The following BDH1 variants were observed in gnomAD, a reference collection of about 807,000 sequenced individuals.
BDH1 encodes D-beta-hydroxybutyrate dehydrogenase, mitochondrial.
In BDH1, 30 loss-of-function variants were observed where a neutral mutation model predicts 33.1. The observed-to-expected ratio is 0.91, with a 90% CI of 0.68 to 1.23. BDH1 has a LOEUF of 1.23. BDH1 is among the 50% of genes most tolerant of loss of function. The pLI, the probability that BDH1 is intolerant of heterozygous loss-of-function variation, is 0.00. For missense variants in BDH1, 443 were observed against 464.4 expected, an observed-to-expected ratio of 0.95 and a Z score of 0.42; for synonymous variants, 190 against 183.6, an observed-to-expected ratio of 1.03 and a Z score of -0.28.
chr3:197,514,058 T>C lies in BDH1; in HGVS notation c.562+206A>G, dbSNP rs899847993. On this transcript the variant is annotated intron_variant, in intron 7 of 7. Transcript: ENST00000392379. This position sits in a 1 kb window ranked among gnomAD's most constrained non-coding sequence, Gnocchi z 4.2. The stretch of plus-strand genomic sequence containing the variant: ...TTTTGCTGCATGGACCACTGACCTC[T>C]TACCTGCTCTGCTTCCTCCTCCCCT... 1.3e-5 allele frequency: 8 copies of C among 609,408 alleles called. No homozygotes were observed. The South Asian group carries it at 2.0e-4, about 15-fold the overall frequency. 37.8% of individuals were successfully genotyped at this position (609,408 alleles called of 1,614,324 possible).
chr3:197,540,334 G>T (rs1404971209), intron 3 of BDH1, among the ~76,000 whole-genome samples: 2 of 150,822 alleles, frequency 1.3e-5, no homozygotes, highest in African/African-American at 2.4e-5. Flanking sequence ...GATTACAGGT[G>T]TGAACCACCA....
At chr3:197,551,582 T>G (rs56785356) in intron 2 of BDH1, among the ~76,000 whole-genome samples, 15,897 of 152,210 alleles carry the variant, frequency 0.1, 1,070 homozygotes, top group African/African-American at 0.18. Flanking sequence ...CTTTTGGGTA[T>G]ATACCCAGCA....
Position 197,520,225 on chromosome 3 carries a change from C to T in BDH1, c.409+2415G>A, listed in dbSNP as rs543088147. Among the ~76,000 whole-genome samples the T allele has an allele frequency of 1.1e-4, 17 of 151,992 alleles. No homozygotes were observed. In the East Asian group the frequency reaches 2.3e-3, roughly 21 times the overall value. On this transcript the variant is annotated intron_variant, in intron 6 of 7. Coordinates refer to ENST00000392379, the MANE Select transcript of BDH1 (RefSeq NM_203314.3). This position sits in a 1 kb window ranked among gnomAD's most constrained non-coding sequence, Gnocchi z 6.0. Reference sequence around the variant, plus strand: ...AAGCGAGAGCAGGAGATGGGGGACACGCCACTGCATATCTGACGGATGTAC... The same window carrying T: ...AAGCGAGAGCAGGAGATGGGGGACATGCCACTGCATATCTGACGGATGTAC...
intron 4 of BDH1, among the ~76,000 whole-genome samples, chr3:197,533,020 G>A (rs1037209314): frequency 6.6e-6 from 1 of 152,214 alleles, no homozygotes; most frequent in Admixed American, 6.5e-5. Context: ...TGGGATTACA[G>A]GCATGCACCT....
chr3:197,514,464 A>G lies in BDH1; in HGVS notation c.410-48T>C, dbSNP rs1281966455. The G allele has an allele frequency of 6.6e-7, 1 of 1,506,306 alleles. No homozygotes were observed. Among genetic ancestry groups the G allele is most frequent in the Non-Finnish European group, 8.9e-7 (1 of 1,121,984 alleles). 93.3% of individuals were successfully genotyped at this position (1,506,306 alleles called of 1,614,324 possible). A position where few individuals can be genotyped will look rare whatever the true frequency, so the allele number is the denominator to read the frequency against. ...TGCATTTACCACATGGGCTTGGCCC[A>G]GACATTGCCCATCAGCCTGCAGGCC... On this transcript the variant is annotated intron_variant, in intron 6 of 7. Coordinates refer to ENST00000392379, the MANE Select transcript of BDH1 (RefSeq NM_203314.3). The surrounding 1 kb of genome is among the most constrained non-coding windows in gnomAD (Gnocchi z 4.2).
intron 2 of BDH1, among the ~76,000 whole-genome samples, chr3:197,548,956 G>C (rs1716331227): frequency 6.6e-6 from 1 of 152,174 alleles, no homozygotes; most frequent in Non-Finnish European, 1.5e-5. Context: ...TCTTAAACAT[G>C]CAGCTATTTC....
In BDH1 at chr3:197,510,164, G is replaced by A. The variant is rs1343781738; in HGVS notation, c.*1731C>T. 5 of 152,448 alleles carry A rather than the reference G, an allele frequency of 3.3e-5. No individual in the cohort carries two copies. The East Asian group carries it at 9.6e-4, about 29-fold the overall frequency. 9.4% of individuals were successfully genotyped at this position (152,448 alleles called of 1,614,324 possible). On this transcript the variant is annotated 3_prime_UTR_variant, in exon 8 of 8. Coordinates refer to ENST00000392379, the MANE Select transcript of BDH1 (RefSeq NM_203314.3). Reference sequence around the variant, plus strand: ...CCTCCGGGCCCGGGCCAGCTGCTAGGAGAGCGAGAACACTGTTTCTGAAGG... The same window carrying A: ...CCTCCGGGCCCGGGCCAGCTGCTAGAAGAGCGAGAACACTGTTTCTGAAGG...
chr3:197,552,595 T>A (rs945632455), intron 2 of BDH1, among the ~76,000 whole-genome samples: 1 of 152,186 alleles, frequency 6.6e-6, no homozygotes. Context: ...TCAGGGCCTT[T>A]GTCCTTACTG....
Position 197,521,653 on chromosome 3 carries a change from G to C in BDH1, c.409+987C>G, listed in dbSNP as rs1713563850. Among the ~76,000 whole-genome samples, 1 of 152,086 alleles carries C rather than the reference G, an allele frequency of 6.6e-6. No homozygotes were observed. Among genetic ancestry groups the C allele is most frequent in the South Asian group, 2.1e-4 (1 of 4,824 alleles). On this transcript the variant is annotated intron_variant, in intron 6 of 7. Transcript: ENST00000392379. The surrounding 1 kb of genome is among the most constrained non-coding windows in gnomAD (Gnocchi z 4.9). The stretch of plus-strand genomic sequence containing the variant: ...TCAGTGTCTCCCTATCTCCCCACCT[G>C]CTCCTGCAGTGCGGGGCACCAGGTG...
In BDH1 at chr3:197,511,553, C is replaced by T. The variant is rs936498028; in HGVS notation, c.*342G>A. 1.3e-5 allele frequency: 4 copies of T among 314,428 alleles called. No individual in the cohort carries two copies. The highest frequency in any genetic ancestry group is 4.3e-5 in the African/African-American group (2 of 46,744). The allele number at this position is 314,428 out of a possible 1,614,324, so 19.5% of individuals were successfully genotyped here. On this transcript the variant is annotated 3_prime_UTR_variant, in exon 8 of 8. Transcript: ENST00000392379. ...CATTTACAAAAGAAAAAAACCTGTC[C>T]TTTTCATTCATGAGACTGGCTTAAG...
chr3:197,551,089 A>G (rs1297300624), intron 2 of BDH1, among the ~76,000 whole-genome samples: 2 of 152,158 alleles, frequency 1.3e-5, no homozygotes, highest in East Asian at 3.8e-4. Flanking sequence ...TCTTTTAGTT[A>G]TTTTTATATG....
chr3:197,512,943 G>A (rs942426610), intron 7 of BDH1, among the ~76,000 whole-genome samples: 2 of 152,142 alleles, frequency 1.3e-5, no homozygotes, highest in African/African-American at 4.8e-5. Context: ...GGGAGCCCCG[G>A]GACAGCCCTG....
chr3:197,512,743 G>T (rs1450948896), intron 7 of BDH1, among the ~76,000 whole-genome samples: 1 of 151,948 alleles, frequency 6.6e-6, no homozygotes, highest in Non-Finnish European at 1.5e-5. Flanking sequence ...CTATAGGCAA[G>T]GTCTGGTGCT....
rs1304353254 is a variant in BDH1 at position 197,510,847 on chromosome 3, G to C, written c.*1048C>G. ...CCCCATCGACACCGGCCCCACCCAAGGCAAAACCAAGCAGACCCAAACCAG... is the reference window on the plus strand; with the variant it reads ...CCCCATCGACACCGGCCCCACCCAACGCAAAACCAAGCAGACCCAAACCAG... On this transcript the variant is annotated 3_prime_UTR_variant, in exon 8 of 8. Transcript: ENST00000392379. The C allele has an allele frequency of 1.3e-5, 2 of 152,572 alleles. No individual in the cohort carries two copies. The highest frequency in any genetic ancestry group is 2.9e-5 in the Non-Finnish European group (2 of 68,478). 9.5% of individuals were successfully genotyped at this position (152,572 alleles called of 1,614,324 possible).
intron 1 of BDH1, among the ~76,000 whole-genome samples, chr3:197,563,443 A>T (rs1240527185): frequency 1.3e-5 from 2 of 152,238 alleles, no homozygotes; most frequent in Non-Finnish European, 2.9e-5. Context: ...TTTGGAGGTT[A>T]AAAGCAAGAT....
intron 7 of BDH1, among the ~76,000 whole-genome samples, chr3:197,512,633 T>C (rs1712197583): frequency 6.6e-6 from 1 of 152,040 alleles, no homozygotes; most frequent in Non-Finnish European, 1.5e-5. Flanking sequence ...CGCAACTGAC[T>C]CAAAAACCAG....
At chr3:197,570,870 A>G (rs1024662830) in intron 1 of BDH1, among the ~76,000 whole-genome samples, 1 of 152,178 alleles carries the variant, frequency 6.6e-6, no homozygotes, top group African/African-American at 2.4e-5. Context: ...CTGTGAGAGG[A>G]GGGCCACCGT....
chr3:197,511,953 C>G lies in BDH1; in HGVS notation c.974G>C (p.Arg325Pro). 6.3e-7 allele frequency: 1 copy of G among 1,596,768 alleles called. No homozygotes were observed. The highest frequency in any genetic ancestry group is 8.5e-7 in the Non-Finnish European group (1 of 1,169,740). The change falls in exon 8 of 8, where the codon CGA (arginine) becomes CCA (proline). Residue 325 changes from arginine (R) to proline (P), a missense_variant. Coordinates refer to ENST00000392379, the MANE Select transcript of BDH1 (RefSeq NM_203314.3). The stretch of plus-strand genomic sequence containing the variant: ...AGGCAAGTGGGTCATGATCTGCATT[C>G]GCAGCCACCAGTAGTAGTCCATGGG... ...YHPMDYYWWLRMQIMTHLPGA... is the reference protein window; with the variant it reads ...YHPMDYYWWLPMQIMTHLPGA...
At chr3:197,548,093 C>G (rs1453853057) in intron 2 of BDH1, among the ~76,000 whole-genome samples, 1 of 152,216 alleles carries the variant, frequency 6.6e-6, no homozygotes, top group Non-Finnish European at 1.5e-5. Flanking sequence ...CTCTGAGTCC[C>G]TGGGGAGTGG....
Sources: gnomAD v4.1 joint callset for allele counts (sites outside exome capture counted in the v4.1 genomes callset) on GRCh38, gnomAD v4.1.1 for gene constraint, Gnocchi (gnomAD v3.1) non-coding constraint, MANE v1.5 for transcripts, NCBI Gene and HGNC (gene_info 2026-07-23, HGNC 2026-07-21) for gene names.